The following CAMK1D variants were observed in gnomAD, a reference collection of about 807,000 sequenced individuals.
CAMK1D encodes calcium/calmodulin-dependent protein kinase type 1D.
A neutral mutation model predicts 47.7 loss-of-function variants in CAMK1D; 9 were observed. The ratio of observed to expected loss-of-function variants is 0.19; its 90% CI spans 0.11 to 0.33. The LOEUF (loss-of-function observed/expected upper bound fraction) is 0.33. Among genes scored for constraint, CAMK1D ranks in the 10% least tolerant of loss-of-function variants. The probability of loss-of-function intolerance (pLI) is 1.00; values close to 1 mark genes in which losing one functional copy is unlikely to be tolerated. For missense variants in CAMK1D, 291 were observed against 488.7 expected (o/e 0.60, Z 3.81); for synonymous variants, 184 against 184.9 (o/e 0.99, Z 0.04).
At chr10:12,365,470 G>A (rs922771094) in intron 1 of CAMK1D, among the ~76,000 whole-genome samples, 3 of 151,290 alleles carry the variant, frequency 2.0e-5, no homozygotes, top group Admixed American at 6.6e-5. Flanking sequence ...ACAGTGTCTC[G>A]CTCTGTCGCC....
Position 12,427,698 on chromosome 10 carries a change from C to CTGTTTTTT in CAMK1D, c.92+77790_92+77797dup, listed in dbSNP as rs1554768519. Among the ~76,000 whole-genome samples, 19 of 27,364 alleles carry CTGTTTTTT rather than the reference C, an allele frequency of 6.9e-4. 1 individual carries two copies. Among genetic ancestry groups the CTGTTTTTT allele is most frequent in the Non-Finnish European group, 1.2e-3 (15 of 12,034 alleles). 18.0% of individuals were successfully genotyped at this position (27,364 alleles called of 152,430 possible). The stretch of plus-strand genomic sequence containing the variant: ...TACTTTCCTGGCTTCACTGAACTTA[C>CTGTTTTTT]TGTTTTTTTTTTTTTTTTTTTTTTT... On this transcript the variant is annotated intron_variant, in intron 1 of 10. Transcript: ENST00000619168.
chr10:12,810,522 G>C (rs547146984), intron 6 of CAMK1D, among the ~76,000 whole-genome samples: 1 of 152,218 alleles, frequency 6.6e-6, no homozygotes. Context: ...TGATCTCCTC[G>C]CCTTGGCCTC....
chr10:12,432,677 A>T (rs1832520216), intron 1 of CAMK1D, among the ~76,000 whole-genome samples: 1 of 152,228 alleles, frequency 6.6e-6, no homozygotes, highest in South Asian at 2.1e-4. Context: ...GAATAAATGA[A>T]TGGGTGAGTT....
At chr10:12,812,213 C>T (rs971575456) in intron 6 of CAMK1D, among the ~76,000 whole-genome samples, 12 of 152,220 alleles carry the variant, frequency 7.9e-5, no homozygotes, top group African/African-American at 2.7e-4. Context: ...CAGTCCTGCG[C>T]TCTGTTGTTT....
intron 1 of CAMK1D, among the ~76,000 whole-genome samples, chr10:12,404,421 C>T (rs1839339120): frequency 6.6e-6 from 1 of 152,184 alleles, no homozygotes; most frequent in African/African-American, 2.4e-5. Flanking sequence ...TTCTTAGTAT[C>T]TTCAGAGAAT....
intron 2 of CAMK1D, among the ~76,000 whole-genome samples, chr10:12,558,905 C>T (rs781058730): frequency 6.6e-6 from 1 of 152,170 alleles, no homozygotes; most frequent in African/African-American, 2.4e-5. Context: ...TTTCGTCTAT[C>T]TGGGTACACT....
chr10:12,822,107 C>G (rs1833035273), intron 8 of CAMK1D, among the ~76,000 whole-genome samples: 1 of 152,224 alleles, frequency 6.6e-6, no homozygotes. Flanking sequence ...AGGATCCCTT[C>G]CAATGTTTAG....
At chr10:12,762,489 T>C (rs1389187595) in intron 4 of CAMK1D, among the ~76,000 whole-genome samples, 1 of 152,178 alleles carries the variant, frequency 6.6e-6, no homozygotes, top group Non-Finnish European at 1.5e-5. Context: ...ACCCAGGCAG[T>C]GATTCCCGAA....
intron 1 of CAMK1D, among the ~76,000 whole-genome samples, chr10:12,502,278 G>C (rs533488619): frequency 2.0e-5 from 3 of 152,308 alleles, no homozygotes; most frequent in Non-Finnish European, 2.9e-5. Context: ...GCAGAGAAAG[G>C]CCAGTCCAAC....
At chr10:12,466,680 CT>C in intron 1 of CAMK1D, among the ~76,000 whole-genome samples, 1 of 149,476 alleles carries the variant, frequency 6.7e-6, no homozygotes, top group African/African-American at 2.5e-5. Context: ...ATTAAAAATA[CT>C]TTGGTAAGTG....
intron 2 of CAMK1D, among the ~76,000 whole-genome samples, chr10:12,641,561 G>A (rs1029530801): frequency 6.6e-6 from 1 of 151,790 alleles, no homozygotes; most frequent in Non-Finnish European, 1.5e-5. Context: ...CGAGGCTGCA[G>A]TGAGCCATGG....
intron 1 of CAMK1D, among the ~76,000 whole-genome samples, chr10:12,426,163 G>A (rs1407735131): frequency 6.6e-6 from 1 of 152,210 alleles, no homozygotes; most frequent in African/African-American, 2.4e-5. Context: ...TTGACGTGGA[G>A]TCAGCCCTGG....
At chr10:12,498,886 T>C (rs936194677) in intron 1 of CAMK1D, among the ~76,000 whole-genome samples, 5 of 152,176 alleles carry the variant, frequency 3.3e-5, no homozygotes, top group Admixed American at 2.6e-4. Context: ...GCAATAATAA[T>C]ATTGCCTTGC....
At chr10:12,574,497 T>TGTA (rs368308201) in intron 2 of CAMK1D, among the ~76,000 whole-genome samples, 1 of 128,720 alleles carries the variant, frequency 7.8e-6, no homozygotes, top group Non-Finnish European at 1.6e-5. Flanking sequence ...TTTTTTTTTT[T>TGTA]AGTAGAGACG....
intron 6 of CAMK1D, among the ~76,000 whole-genome samples, chr10:12,798,505 T>G (rs1005196773): frequency 2.6e-5 from 4 of 152,198 alleles, no homozygotes; most frequent in Admixed American, 2.6e-4. Flanking sequence ...GACTCTGCCC[T>G]GGCCTGAGGA....
At chr10:12,560,553 CGG>C (rs1238639392) in intron 2 of CAMK1D, among the ~76,000 whole-genome samples, 1 of 107,296 alleles carries the variant, frequency 9.3e-6, no homozygotes. Context: ...AACTCTATCT[CGG>C]AAAAAAAAAA....
At chr10:12,808,551 G>A (rs954796306) in intron 6 of CAMK1D, among the ~76,000 whole-genome samples, 2 of 152,344 alleles carry the variant, frequency 1.3e-5, no homozygotes, top group Non-Finnish European at 1.5e-5. Flanking sequence ...GCCGAGCTGG[G>A]TGGGTCACCT....
At chr10:12,535,211 A>G (rs1835931031) in intron 1 of CAMK1D, among the ~76,000 whole-genome samples, 1 of 152,128 alleles carries the variant, frequency 6.6e-6, no homozygotes. Flanking sequence ...GGTCCTTTGC[A>G]CATCTGTGCG....
intron 1 of CAMK1D, among the ~76,000 whole-genome samples, chr10:12,394,072 C>T (rs1409272358): frequency 6.6e-6 from 1 of 152,238 alleles, no homozygotes; most frequent in Admixed American, 6.5e-5. Context: ...GCCGACTGGC[C>T]ATCCTTTGAG....
Sources: allele counts gnomAD v4.1 joint callset (sites outside exome capture counted in the v4.1 genomes callset), GRCh38; gene constraint gnomAD v4.1.1; transcripts MANE v1.5; gene names NCBI Gene and HGNC (gene_info 2026-07-23, HGNC 2026-07-21).